The following CORO2B variants were observed in gnomAD, a reference collection of about 807,000 sequenced individuals.
CORO2B encodes coronin-2B.
A neutral mutation model predicts 58.8 loss-of-function variants in CORO2B; 26 were observed. That is an observed-to-expected ratio of 0.44 (90% CI 0.32 to 0.61). CORO2B has a LOEUF of 0.61. Among genes scored for constraint, CORO2B ranks in the 20% least tolerant of loss-of-function variants. The pLI is 0.04. For missense variants in CORO2B, 460 were observed against 645.1 expected (o/e 0.71, Z 3.11); for synonymous variants, 242 against 253.8 (o/e 0.95, Z 0.44).
intron 2 of CORO2B, among the ~76,000 whole-genome samples, chr15:68,661,872 T>A (rs1485665691): frequency 6.6e-6 from 1 of 152,160 alleles, no homozygotes; most frequent in Non-Finnish European, 1.5e-5. Context: ...CCAGGTGTGA[T>A]GGCGTGCACC....
At position 68,711,639 on chromosome 15, in the gene CORO2B, T is replaced by A. The variant is rs138122643; in HGVS notation, c.581T>A (p.Leu194Gln). 2.6e-3 allele frequency: 4,139 copies of A among 1,614,128 alleles called. 7 individuals carry two copies. Among genetic ancestry groups the A allele is most frequent in the Admixed American group, 4.4e-3 (263 of 60,016 alleles). The change falls in exon 5 of 12, where the codon CTG becomes CAG. Residue 194 changes from leucine (L) to glutamine (Q), a missense_variant. Physicochemically the swap from Leu to Gln is moderately radical, Grantham distance 113 (BLOSUM62 -2). This residue lies in a region of CORO2B where 352 missense variants were observed against 543.0 expected (regional missense o/e 0.65). Transcript: ENST00000261861. ...LCMSFNTDGSLLTTTCKDKKL... is the reference protein window; with the variant it reads ...LCMSFNTDGSQLTTTCKDKKL... ...ATGTCCTTCAACACGGACGGCAGCC[T>A]GCTCACCACCACGTGCAAGGACAAG...
the CORO2B span, among the ~76,000 whole-genome samples, chr15:68,573,382 A>T: frequency 6.6e-6 from 1 of 152,130 alleles, no homozygotes; most frequent in African/African-American, 2.4e-5. Flanking sequence ...GGAAATAAGC[A>T]GATCTGGTGG....
At chr15:68,564,414 C>T in the CORO2B span, among the ~76,000 whole-genome samples, 1 of 152,086 alleles carries the variant, frequency 6.6e-6, no homozygotes, top group Non-Finnish European at 1.5e-5. Context: ...AGCGATCCTC[C>T]CCCATCAGCC....
the CORO2B span, among the ~76,000 whole-genome samples, chr15:68,558,588 C>T: frequency 6.6e-6 from 1 of 152,168 alleles, no homozygotes; most frequent in South Asian, 2.1e-4. Flanking sequence ...GTTGCTCGGG[C>T]TGGTTTCAAA....
At chr15:68,587,692 A>G (rs1276369029) in intron 1 of CORO2B, among the ~76,000 whole-genome samples, 2 of 152,186 alleles carry the variant, frequency 1.3e-5, no homozygotes, top group Non-Finnish European at 2.9e-5. Context: ...AGCATATACA[A>G]TATGTTTTAT....
In CORO2B at chr15:68,726,910, G is replaced by A. The variant is rs1271936174; in HGVS notation, c.*936G>A. The A allele has an allele frequency of 6.6e-6, 1 of 152,340 alleles. No homozygotes were observed. The highest frequency in any genetic ancestry group is 1.9e-4 in the East Asian group (1 of 5,180). 9.4% of individuals were successfully genotyped at this position (152,340 alleles called of 1,614,324 possible). A position where few individuals can be genotyped will look rare whatever the true frequency, so the allele number is the denominator to read the frequency against. Reference sequence around the variant, plus strand: ...CACTGCTACCGTCTACCCAGCACCAGTAGTGCCGATGTGCCACACTGCCCA... The same window carrying A: ...CACTGCTACCGTCTACCCAGCACCAATAGTGCCGATGTGCCACACTGCCCA... On this transcript the variant is annotated 3_prime_UTR_variant, in exon 12 of 12. Coordinates refer to ENST00000261861, the MANE Select transcript of CORO2B (RefSeq NM_006091.5).
At chr15:68,636,484 C>T (rs556240416) in intron 1 of CORO2B, among the ~76,000 whole-genome samples, 1 of 152,314 alleles carries the variant, frequency 6.6e-6, no homozygotes. Context: ...CATCCCAGCC[C>T]TGCCTGTTCC....
chr15:68,687,247 C>A (rs776589026), intron 2 of CORO2B, among the ~76,000 whole-genome samples: 2 of 152,198 alleles, frequency 1.3e-5, no homozygotes, highest in Non-Finnish European at 2.9e-5. Flanking sequence ...GTGCCGGAAC[C>A]GGGTGTGGAA....
intron 2 of CORO2B, among the ~76,000 whole-genome samples, chr15:68,662,838 A>T (rs1161910110): frequency 1.3e-5 from 2 of 152,254 alleles, no homozygotes; most frequent in African/African-American, 4.8e-5. Flanking sequence ...TCAGCTTCTT[A>T]TAATAGATTT....
the CORO2B span, among the ~76,000 whole-genome samples, chr15:68,544,902 G>A: frequency 2.6e-5 from 4 of 151,658 alleles, no homozygotes; most frequent in South Asian, 2.1e-4. Flanking sequence ...TCAGCCTCCC[G>A]AGTAGCTGGG....
chr15:68,678,898 G>T (rs753430903), intron 2 of CORO2B, among the ~76,000 whole-genome samples: 1 of 152,204 alleles, frequency 6.6e-6, no homozygotes, highest in Non-Finnish European at 1.5e-5. Flanking sequence ...GACAGATAGT[G>T]GATCTGGCTA....
rs575833365 is a variant in CORO2B at position 68,714,051 on chromosome 15, G to T, written c.765+10G>T. On this transcript the variant is annotated intron_variant, in intron 6 of 11. Transcript: ENST00000261861. ...TGCCCTCTGGGACCAGGTCAGCCACGGGGAGGCCTGCTGGGTTTGGGCTAA... is the reference window on the plus strand; with the variant it reads ...TGCCCTCTGGGACCAGGTCAGCCACTGGGAGGCCTGCTGGGTTTGGGCTAA... The T allele has an allele frequency of 6.3e-7, 1 of 1,579,504 alleles. No homozygotes were observed. The highest frequency in any genetic ancestry group is 8.7e-7 in the Non-Finnish European group (1 of 1,149,126).
chr15:68,698,200 C>T (rs137900922), intron 3 of CORO2B, among the ~76,000 whole-genome samples: 3 of 152,344 alleles, frequency 2.0e-5, no homozygotes, highest in African/African-American at 7.2e-5. Flanking sequence ...CTGCAAAGCC[C>T]ATGCTCTGCC....
At chr15:68,651,767 G>A (rs1901649239) in intron 2 of CORO2B, among the ~76,000 whole-genome samples, 1 of 152,152 alleles carries the variant, frequency 6.6e-6, no homozygotes, top group South Asian at 2.1e-4. Flanking sequence ...CACCTGCCCA[G>A]GATCCCCAAA....
At chr15:68,713,700 A>T (rs1424823250) in intron 5 of CORO2B, among the ~76,000 whole-genome samples, 2 of 152,150 alleles carry the variant, frequency 1.3e-5, no homozygotes, top group African/African-American at 4.8e-5. Flanking sequence ...CTCTCCCACA[A>T]GGACACTCAT....
chr15:68,588,718 G>A (rs902909169), intron 1 of CORO2B, among the ~76,000 whole-genome samples: 6 of 152,284 alleles, frequency 3.9e-5, no homozygotes, highest in East Asian at 1.9e-4. Flanking sequence ...TAAACACCTT[G>A]AGTTTGATTT....
the CORO2B span, among the ~76,000 whole-genome samples, chr15:68,535,631 G>C: frequency 6.6e-6 from 1 of 152,194 alleles, no homozygotes; most frequent in Non-Finnish European, 1.5e-5. Flanking sequence ...CTGAGAGAGA[G>C]AGAGCACCTG....
chr15:68,567,281 G>A, the CORO2B span, among the ~76,000 whole-genome samples: 1 of 152,180 alleles, frequency 6.6e-6, no homozygotes, highest in African/African-American at 2.4e-5. Context: ...ACATGTACAT[G>A]GGGATCTCCA....
rs542232027 is a variant in CORO2B at position 68,678,783 on chromosome 15, G to T, written c.217-16357G>T. On this transcript the variant is annotated intron_variant, in intron 2 of 11. Coordinates refer to ENST00000261861, the MANE Select transcript of CORO2B (RefSeq NM_006091.5). The stretch of plus-strand genomic sequence containing the variant: ...GCTGCCCACACCATGTCCCCTGGGA[G>T]CCCCAAACTCAGGCACCACACACCC... 3.9e-5 allele frequency among the ~76,000 whole-genome samples: 6 copies of T among 152,328 alleles called. 1 individual carries two copies. In the South Asian group the frequency reaches 1.2e-3, roughly 32 times the overall value.
Sources: allele counts gnomAD v4.1 joint callset (sites outside exome capture counted in the v4.1 genomes callset), GRCh38; gene constraint gnomAD v4.1.1; regional missense constraint gnomAD v4.1.1; transcripts MANE v1.5; gene names NCBI Gene and HGNC (gene_info 2026-07-23, HGNC 2026-07-21).